The following HSP90B1 variants were observed in gnomAD, a reference collection of about 807,000 sequenced individuals.
HSP90B1 encodes the protein endoplasmin.
In HSP90B1, 27 loss-of-function variants were observed where a neutral mutation model predicts 100.4. That is an observed-to-expected ratio of 0.27 (90% CI 0.20 to 0.37). The LOEUF is 0.37. Ranked by LOEUF, HSP90B1 falls within the 10% of genes least tolerant of loss-of-function variation. HSP90B1 has a pLI of 1.00. For missense variants in HSP90B1, 678 were observed against 960.5 expected (o/e 0.71, Z 3.89); for synonymous variants, 304 against 330.8 (o/e 0.92, Z 0.88).
rs1406607898 is a variant in HSP90B1 at position 103,947,808 on chromosome 12, TG to T, written c.*149del. Reference sequence around the variant, plus strand: ...TGGGATTATGGGTCACAGGAAAAAGTGGGTTTTTTAGTTGAATTTTTTTTAA... The same window carrying T: ...TGGGATTATGGGTCACAGGAAAAAGTGGTTTTTTAGTTGAATTTTTTTTAA... On this transcript the variant is annotated 3_prime_UTR_variant, in exon 18 of 18. Coordinates refer to ENST00000299767, the MANE Select transcript of HSP90B1 (RefSeq NM_003299.3). 9 of 746,476 alleles carry T rather than the reference TG, an allele frequency of 1.2e-5. No homozygotes were observed. Among genetic ancestry groups the T allele is most frequent in the Non-Finnish European group, 2.1e-5 (9 of 424,944 alleles). The allele number at this position is 746,476 out of a possible 1,614,324, so 46.2% of individuals were successfully genotyped here.
chr12:103,946,446 T>TG (rs1337972380), intron 14 of HSP90B1, among the ~76,000 whole-genome samples, 172 bp from the exon 15 acceptor site: 3 of 141,328 alleles, frequency 2.1e-5, no homozygotes, highest in Non-Finnish European at 4.6e-5. Flanking sequence ...CTGTATTTAT[T>TG]GGAAAAAAAA....
chr12:103,942,927 A>T (rs1870119783), intron 12 of HSP90B1, 131 bp downstream of exon 12: 8 of 1,420,104 alleles, frequency 5.6e-6, no homozygotes, highest in Non-Finnish European at 7.7e-6. Flanking sequence ...TCAGTCACTG[A>T]CAGGAAGGTC....
At chr12:103,941,766 GT>G in intron 10 of HSP90B1, 60 bp downstream of exon 10, 1 of 1,602,484 alleles carries the variant, frequency 6.2e-7, no homozygotes, top group Non-Finnish European at 8.6e-7. Context: ...AGTGTAGAGT[GT>G]TTGTTTGGCT....
intron 6 of HSP90B1, 105 bp from the exon 7 acceptor site, chr12:103,938,235 C>T: frequency 2.0e-6 from 2 of 991,754 alleles, no homozygotes; most frequent in Non-Finnish European, 2.9e-6. Context: ...TCAGGGTTTT[C>T]TTACAAAAAC....
At position 103,943,479 on chromosome 12, in the gene HSP90B1, G is replaced by C; in HGVS notation, c.1890+160G>C. 1.3e-6 allele frequency: 1 copy of C among 741,480 alleles called. No individual in the cohort carries two copies. The highest frequency in any genetic ancestry group is 2.2e-6 in the Non-Finnish European group (1 of 462,586). 45.9% of individuals were successfully genotyped at this position (741,480 alleles called of 1,614,324 possible). On this transcript the variant is annotated intron_variant, in intron 13 of 17. Transcript: ENST00000299767. This position sits in a 1 kb window ranked among gnomAD's most constrained non-coding sequence, Gnocchi z 5.3. ...TATTGGGAGAAAGCTTAAAACTTTCGACAATACTGCTTTGTTAATAACTTG... is the reference window on the plus strand; with the variant it reads ...TATTGGGAGAAAGCTTAAAACTTTCCACAATACTGCTTTGTTAATAACTTG...
Position 103,941,268 on chromosome 12 carries a change from T to C in HSP90B1, c.1093-142T>C, listed in dbSNP as rs1870068386. 5 of 710,650 alleles carry C rather than the reference T, an allele frequency of 7.0e-6. No homozygotes were observed. In the East Asian group the frequency reaches 1.3e-4, roughly 18 times the overall value. 44.0% of individuals were successfully genotyped at this position (710,650 alleles called of 1,614,324 possible). On this transcript the variant is annotated intron_variant, in intron 8 of 17. Transcript: ENST00000299767. Reference sequence around the variant, plus strand: ...TCTCTTCCCCCCACCCTTTTCTTTCTCTTCCCCACCTCCCGCCAGTAAAGG... The same window carrying C: ...TCTCTTCCCCCCACCCTTTTCTTTCCCTTCCCCACCTCCCGCCAGTAAAGG...
Position 103,943,057 on chromosome 12 carries a change from ACTT to A in HSP90B1, c.1645-13_1645-11del. The A allele has an allele frequency of 1.2e-6, 2 of 1,612,008 alleles. No homozygotes were observed. Among genetic ancestry groups the A allele is most frequent in the Non-Finnish European group, 1.7e-6 (2 of 1,178,904 alleles). Reference sequence around the variant, plus strand: ...AGGGCCAGACTTGGAAAACTTTGTGACTTCTTAATTTTGTAGGCTGAATCTTCT... The same window carrying A: ...AGGGCCAGACTTGGAAAACTTTGTGACTTAATTTTGTAGGCTGAATCTTCT... On this transcript the variant is annotated splice_polypyrimidine_tract_variant and intron_variant, in intron 12 of 17. Coordinates refer to ENST00000299767, the MANE Select transcript of HSP90B1 (RefSeq NM_003299.3). This position sits in a 1 kb window ranked among gnomAD's most constrained non-coding sequence, Gnocchi z 5.3.
chr12:103,930,422 G>T lies in HSP90B1; in HGVS notation c.-94G>T. 1 of 1,174,978 alleles carries T rather than the reference G, an allele frequency of 8.5e-7. No homozygotes were observed. Among genetic ancestry groups the T allele is most frequent in the Non-Finnish European group, 1.2e-6 (1 of 846,942 alleles). The allele number at this position is 1,174,978 out of a possible 1,614,324, so 72.8% of individuals were successfully genotyped here. A position where few individuals can be genotyped will look rare whatever the true frequency, so the allele number is the denominator to read the frequency against. ...CTGCTTGCGGTGTAGTGGGCGGACC[G>T]CGCGGCTGGAGGTGTGAGGATCCGA... On this transcript the variant is annotated 5_prime_UTR_variant, in exon 1 of 18. Coordinates refer to ENST00000299767, the MANE Select transcript of HSP90B1 (RefSeq NM_003299.3). This position sits in a 1 kb window ranked among gnomAD's most constrained non-coding sequence, Gnocchi z 4.4.
chr12:103,940,116 T>TA (rs1566166778), intron 8 of HSP90B1, among the ~76,000 whole-genome samples: 1 of 152,196 alleles, frequency 6.6e-6, no homozygotes, highest in African/African-American at 2.4e-5. Context: ...AAGGCATCTG[T>TA]AGCCTTCACC....
Position 103,942,760 on chromosome 12 carries a change from C to T in HSP90B1, c.1608C>T (p.Asp536=). The T allele has an allele frequency of 1.9e-6, 3 of 1,613,852 alleles. No individual in the cohort carries two copies. The highest frequency in any genetic ancestry group is 2.5e-6 in the Non-Finnish European group (3 of 1,179,808). The change falls in exon 12 of 18, where the codon GAC becomes GAT. Residue 536 remains aspartate (D), a synonymous_variant. Coordinates refer to ENST00000299767, the MANE Select transcript of HSP90B1 (RefSeq NM_003299.3). ...TGGAAAGAATGAAGGAAAAACAAGA[C>T]AAAATCTACTTCATGGCTGGGTCCA... ...QYVERMKEKQ[D]KIYFMAGSSR... is the part of the protein sequence containing the mutation.
At position 103,943,467 on chromosome 12, in the gene HSP90B1, C is replaced by T; in HGVS notation, c.1890+148C>T. On this transcript the variant is annotated intron_variant, in intron 13 of 17. Coordinates refer to ENST00000299767, the MANE Select transcript of HSP90B1 (RefSeq NM_003299.3). The surrounding 1 kb of genome is among the most constrained non-coding windows in gnomAD (Gnocchi z 5.3). ...ATGTAATTAAATTATTGGGAGAAAG[C>T]TTAAAACTTTCGACAATACTGCTTT... The T allele has an allele frequency of 1.3e-6, 1 of 796,348 alleles. No individual in the cohort carries two copies. The highest frequency in any genetic ancestry group is 2.0e-6 in the Non-Finnish European group (1 of 509,010). The allele number at this position is 796,348 out of a possible 1,614,324, so 49.3% of individuals were successfully genotyped here.
At chr12:103,937,673 A>G in intron 5 of HSP90B1, 22 bp from the exon 6 acceptor site, 1 of 1,243,406 alleles carries the variant, frequency 8.0e-7, no homozygotes, top group South Asian at 1.2e-5. Context: ...AGGTGTCTCT[A>G]AACATCGAAT....
At chr12:103,944,301 G>A (rs904214173) in intron 14 of HSP90B1, among the ~76,000 whole-genome samples, 1 of 152,088 alleles carries the variant, frequency 6.6e-6, no homozygotes, top group Non-Finnish European at 1.5e-5. Context: ...CAGATAGAAT[G>A]TCTCATAAAG....
chr12:103,937,068 G>A lies in HSP90B1; in HGVS notation c.744-627G>A, dbSNP rs530668072. On this transcript the variant is annotated intron_variant, in intron 5 of 17. Transcript: ENST00000299767. ...CACACCTGTAATCCCCGCACTGCCC[G>A]GTAGAATTTTATATAATAGTAGAAA... Among the ~76,000 whole-genome samples the A allele has an allele frequency of 8.5e-5, 13 of 152,260 alleles. No homozygotes were observed. In the East Asian group the frequency reaches 1.5e-3, roughly 18 times the overall value.
chr12:103,934,424 C>T, intron 5 of HSP90B1, 137 bp downstream of exon 5: 1 of 735,732 alleles, frequency 1.4e-6, no homozygotes, highest in South Asian at 1.9e-5. Context: ...GAACTGTTGT[C>T]ACTTGAAGAA....
Position 103,934,422 on chromosome 12 carries a change from G to A in HSP90B1, c.743+135G>A, listed in dbSNP as rs942858090. On this transcript the variant is annotated intron_variant, in intron 5 of 17. Coordinates refer to ENST00000299767, the MANE Select transcript of HSP90B1 (RefSeq NM_003299.3). ...TATAAAATGAGGAAACAGAACTGTTGTCACTTGAAGAAATGTTTGAGGACC... is the reference window on the plus strand; with the variant it reads ...TATAAAATGAGGAAACAGAACTGTTATCACTTGAAGAAATGTTTGAGGACC... 3.5e-5 allele frequency: 26 copies of A among 738,724 alleles called. No homozygotes were observed. The African/African-American group carries it at 4.3e-4, about 12-fold the overall frequency. 45.8% of individuals were successfully genotyped at this position (738,724 alleles called of 1,614,324 possible). A position where few individuals can be genotyped will look rare whatever the true frequency, so the allele number is the denominator to read the frequency against.
chr12:103,937,527 G>A (rs139482673), intron 5 of HSP90B1, among the ~76,000 whole-genome samples, 168 bp from the exon 6 acceptor site: 3 of 152,298 alleles, frequency 2.0e-5, no homozygotes, highest in Non-Finnish European at 2.9e-5. Context: ...GTATCTACAT[G>A]TGTTACATTT....
rs749873650 is a variant in HSP90B1, at chr12:103,938,325, C to G, written c.856-15C>G. 10 of 1,529,484 alleles carry G rather than the reference C, an allele frequency of 6.5e-6. No homozygotes were observed. In the South Asian group the frequency reaches 1.1e-4, roughly 17 times the overall value. The allele number at this position is 1,529,484 out of a possible 1,614,324, so 94.7% of individuals were successfully genotyped here. ...TAAACAAATGAGTTTAACCATAATT[C>G]TCTTATTTCAACAGACTGAAACTGT... On this transcript the variant is annotated splice_polypyrimidine_tract_variant and intron_variant, in intron 6 of 17. Coordinates refer to ENST00000299767, the MANE Select transcript of HSP90B1 (RefSeq NM_003299.3).
rs1426437528 is a variant in HSP90B1, at chr12:103,947,356, A to C, written c.2308A>C (p.Thr770Pro). The change falls in exon 17 of 18, where the codon ACA (threonine) becomes CCA (proline). Residue 770 changes from threonine to proline, a missense_variant. Transcript: ENST00000299767. ...EEEPEETAED[T>P]TEDTEQDEDE... ...AGAACCTGAAGAGACAGCAGAAGACACAACAGAAGACACAGAGCAAGACGA... is the reference window on the plus strand; with the variant it reads ...AGAACCTGAAGAGACAGCAGAAGACCCAACAGAAGACACAGAGCAAGACGA... The C allele has an allele frequency of 1.9e-6, 3 of 1,606,614 alleles. No individual in the cohort carries two copies. Among genetic ancestry groups the C allele is most frequent in the Non-Finnish European group, 8.5e-7 (1 of 1,174,192 alleles).
Sources: gnomAD v4.1 joint callset for allele counts (sites outside exome capture counted in the v4.1 genomes callset) on GRCh38, gnomAD v4.1.1 for gene constraint, Gnocchi (gnomAD v3.1) non-coding constraint, MANE v1.5 for transcripts, NCBI Gene and HGNC (gene_info 2026-07-23, HGNC 2026-07-21) for gene names.